The following CHUK variants were observed in gnomAD, a reference collection of about 807,000 sequenced individuals.
CHUK encodes inhibitor of nuclear factor kappa-B kinase subunit alpha.
In CHUK, 35 loss-of-function variants were observed where a neutral mutation model predicts 104.8. The observed-to-expected ratio is 0.33, with a 90% CI of 0.26 to 0.44. The LOEUF (loss-of-function observed/expected upper bound fraction) is 0.44, where lower values mean the gene tolerates loss of function less well. Ranked by LOEUF, CHUK falls within the 20% of genes least tolerant of loss-of-function variation. The pLI is 1.00. For synonymous variants in CHUK, 276 were observed against 291.9 expected (o/e 0.95, Z 0.56); for missense variants, 663 against 902.7 (o/e 0.73, Z 3.40).
intron 20 of CHUK, 25 bp downstream of exon 20, chr10:100,190,844 G>T: frequency 7.5e-7 from 1 of 1,325,148 alleles, no homozygotes; most frequent in Non-Finnish European, 1.1e-6. Flanking sequence ...GCCAAAGCAG[G>T]CACCCATATC....
intron 10 of CHUK, among the ~76,000 whole-genome samples, chr10:100,208,176 G>A (rs1218628404): frequency 6.6e-6 from 1 of 152,100 alleles, no homozygotes; most frequent in Non-Finnish European, 1.5e-5. Flanking sequence ...CGTGATCATG[G>A]CTCATTGCAG....
intron 1 of CHUK, among the ~76,000 whole-genome samples, chr10:100,228,843 A>G (rs1846162776): frequency 6.6e-6 from 1 of 151,670 alleles, no homozygotes; most frequent in African/African-American, 2.4e-5. Context: ...GCACCAACTC[A>G]CCCTCATACT....
chr10:100,199,859 A>G, intron 16 of CHUK, 112 bp downstream of exon 16: 1 of 808,354 alleles, frequency 1.2e-6, no homozygotes, highest in Non-Finnish European at 2.2e-6. Flanking sequence ...ACTGGAATTT[A>G]TTCTGCAGCT....
intron 3 of CHUK, 67 bp from the exon 4 acceptor site, chr10:100,222,248 T>G: frequency 1.3e-6 from 1 of 773,356 alleles, no homozygotes; most frequent in Non-Finnish European, 2.3e-6. Context: ...GACCACACAT[T>G]AATTACTATA....
At chr10:100,210,546 C>T (rs558947702) in intron 9 of CHUK, among the ~76,000 whole-genome samples, 24 of 152,048 alleles carry the variant, frequency 1.6e-4, no homozygotes, top group Non-Finnish European at 2.8e-4. Context: ...AGAAAGAAAC[C>T]AGAGTTCTAA....
chr10:100,220,914 A>ATG (rs1329998813), intron 4 of CHUK, among the ~76,000 whole-genome samples: 2 of 152,198 alleles, frequency 1.3e-5, no homozygotes, highest in Non-Finnish European at 2.9e-5. Flanking sequence ...CCAAATAGAA[A>ATG]TGCAACAAGC....
chr10:100,193,505 T>G, intron 18 of CHUK, 74 bp from the exon 19 acceptor site: 1 of 1,548,106 alleles, frequency 6.5e-7, no homozygotes, highest in Non-Finnish European at 8.9e-7. Context: ...TCTTATCATA[T>G]TCCTAAGACT....
intron 17 of CHUK, 91 bp downstream of exon 17, chr10:100,194,334 G>C: frequency 9.0e-7 from 1 of 1,116,544 alleles, no homozygotes; most frequent in Non-Finnish European, 1.3e-6. Context: ...TCCTGGGTAA[G>C]TATACTTTAC....
Position 100,202,113 on chromosome 10 carries a change from T to C in CHUK, c.1544A>G (p.Glu515Gly). The C allele has an allele frequency of 6.2e-7, 1 of 1,612,656 alleles. No homozygotes were observed. Among genetic ancestry groups the C allele is most frequent in the South Asian group, 1.1e-5 (1 of 91,056 alleles). ...EKMLKAWKEM[E>G]EKAIHYAEVG... ...CTCAGCATAGTGGATGGCCTTTTCT[T>C]CCATTTCTTTCCATGCTTTTAGCAT... Residue 515 changes from glutamate (E) to glycine (G), a missense_variant, in exon 14 of 21, where the codon GAA becomes GGA. Glu to Gly is a moderately conservative substitution (Grantham distance 98, BLOSUM62 -2). Coordinates refer to ENST00000370397, the MANE Select transcript of CHUK (RefSeq NM_001278.5).
At chr10:100,226,283 C>G (rs1368200013) in intron 1 of CHUK, among the ~76,000 whole-genome samples, 6 of 152,062 alleles carry the variant, frequency 3.9e-5, no homozygotes, top group African/African-American at 1.4e-4. Flanking sequence ...TCAGAACTCT[C>G]TCTCATATAT....
intron 9 of CHUK, among the ~76,000 whole-genome samples, chr10:100,210,079 A>ATTT (rs1468982651): frequency 7.7e-6 from 1 of 129,450 alleles, no homozygotes; most frequent in African/African-American, 3.7e-5. Context: ...TTATTTATTT[A>ATTT]TTTATTTATT....
intron 9 of CHUK, among the ~76,000 whole-genome samples, chr10:100,210,387 T>C (rs1187284431): frequency 6.6e-6 from 1 of 151,588 alleles, no homozygotes; most frequent in Non-Finnish European, 1.5e-5. Context: ...GCGCCCGGCC[T>C]AAGTTATTTA....
downstream of CHUK, chr10:100,188,196 C>T (rs1845114547): frequency 6.6e-6 from 1 of 152,228 alleles, no homozygotes. Flanking sequence ...GAGGAAAACA[C>T]TCTTAAAGAA....
intron 16 of CHUK, among the ~76,000 whole-genome samples, chr10:100,198,927 A>G (rs898632338): frequency 6.6e-6 from 1 of 152,230 alleles, no homozygotes; most frequent in African/African-American, 2.4e-5. Context: ...ATATCTTGCA[A>G]GTACATAATA....
chr10:100,217,809 G>A (rs183424669), intron 9 of CHUK, among the ~76,000 whole-genome samples, 186 bp downstream of exon 9: 16 of 152,268 alleles, frequency 1.1e-4, no homozygotes, highest in Middle Eastern at 6.8e-3. Context: ...CCTGGGAGGC[G>A]CAGGTTGCAG....
chr10:100,227,671 T>C (rs185583408), intron 1 of CHUK, among the ~76,000 whole-genome samples: 2 of 152,192 alleles, frequency 1.3e-5, no homozygotes, highest in East Asian at 3.9e-4. Context: ...TCTCCAAGAT[T>C]TTCTCCTATG....
chr10:100,228,365 T>C (rs747712184), intron 1 of CHUK, among the ~76,000 whole-genome samples: 16 of 152,176 alleles, frequency 1.1e-4, no homozygotes, highest in African/African-American at 3.4e-4. Flanking sequence ...AAAAAATACA[T>C]GTCCCAGGCC....
At chr10:100,211,422 CTTTTT>C (rs1286278693) in intron 9 of CHUK, among the ~76,000 whole-genome samples, 2 of 151,826 alleles carry the variant, frequency 1.3e-5, no homozygotes, top group African/African-American at 4.8e-5. Context: ...ATTTTTGTAC[CTTTTT>C]TTTCTTTTGC....
In CHUK at chr10:100,209,620, G is replaced by T; in HGVS notation, c.1103C>A (p.Ala368Asp). 5 of 1,608,022 alleles carry T rather than the reference G, an allele frequency of 3.1e-6. No individual in the cohort carries two copies. Among genetic ancestry groups the T allele is most frequent in the Non-Finnish European group, 3.4e-6 (4 of 1,174,534 alleles). The stretch of plus-strand genomic sequence containing the variant: ...AACTCCATCTAGAACACATTGAGAG[G>T]CTGGTTTCCGAGGATCCAGAGAAAT... Reference protein sequence around the residue: ...TGISLDPRKPASQCVLDGVRG... With the variant: ...TGISLDPRKPDSQCVLDGVRG... The change falls in exon 10 of 21, where the codon GCC becomes GAC. Residue 368 changes from alanine to aspartate, a missense_variant. Physicochemically the swap from Ala to Asp is moderately radical, Grantham distance 126. Around this residue, in one of 5 missense-constraint regions of CHUK, gnomAD observed 93 missense variants for 95.9 expected, o/e 0.97. Transcript: ENST00000370397.
Sources: gnomAD v4.1 joint callset for allele counts (sites outside exome capture counted in the v4.1 genomes callset) on GRCh38, gnomAD v4.1.1 for gene constraint, gnomAD v4.1.1 regional missense constraint, MANE v1.5 for transcripts, NCBI Gene and HGNC (gene_info 2026-07-23, HGNC 2026-07-21) for gene names.